CYB561: variants seen among roughly 807,000 people sequenced by gnomAD.
CYB561 encodes the protein transmembrane ascorbate-dependent reductase CYB561.
A neutral mutation model predicts 25.3 loss-of-function variants in CYB561; 11 were observed. That is an observed-to-expected ratio of 0.44 (90% CI 0.27 to 0.72). The LOEUF (loss-of-function observed/expected upper bound fraction) is 0.72, where lower values mean the gene tolerates loss of function less well. CYB561 is among the 30% of genes least tolerant of loss of function. The probability of loss-of-function intolerance (pLI) is 0.18; values close to 1 mark genes in which losing one functional copy is unlikely to be tolerated. For synonymous variants in CYB561, 165 were observed against 158.8 expected (o/e 1.04, Z -0.29); for missense variants, 295 against 334.9 (o/e 0.88, Z 0.93).
chr17:63,433,542 T>G lies in CYB561; in HGVS notation c.*860A>C. 2.6e-6 allele frequency: 1 copy of G among 391,196 alleles called. No homozygotes were observed. The highest frequency in any genetic ancestry group is 4.5e-6 in the Non-Finnish European group (1 of 221,716). The allele number at this position is 391,196 out of a possible 1,614,324, so 24.2% of individuals were successfully genotyped here. ...TTTTTCATTTAAAAAATTATAAGGT[T>G]TGTGCCCTCTGCCTCCCAGCCTGAG... is the stretch of plus-strand genomic sequence containing the variant. On this transcript the variant is annotated 3_prime_UTR_variant, in exon 6 of 6. Coordinates refer to ENST00000360793, the MANE Select transcript of CYB561 (RefSeq NM_001915.4).
Position 63,436,156 on chromosome 17 carries a change from T to A in CYB561, c.203-4A>T, listed in dbSNP as rs529653382. On this transcript the variant is annotated splice_region_variant and splice_polypyrimidine_tract_variant and intron_variant, in intron 2 of 5. Coordinates refer to ENST00000360793, the MANE Select transcript of CYB561 (RefSeq NM_001915.4). The surrounding 1 kb of genome is among the most constrained non-coding windows in gnomAD (Gnocchi z 4.8). ...AAGACACGGTAAACCAGCAGGGCTG[T>A]GGGAGGTGAGAGAGGGAACGTGAGT... 3.7e-6 allele frequency: 6 copies of A among 1,613,622 alleles called. No individual in the cohort carries two copies. The South Asian group carries it at 5.5e-5, about 15-fold the overall frequency.
At chr17:63,434,636 CAATT>C in intron 5 of CYB561, 42 bp from the exon 6 acceptor site, 1 of 1,547,156 alleles carries the variant, frequency 6.5e-7, no homozygotes, top group Non-Finnish European at 8.8e-7. Flanking sequence ...CAAGGGGTCA[CAATT>C]AGGCCAAATG....
intron 1 of CYB561, chr17:63,438,426 C>A (rs1460547934): frequency 1.9e-6 from 1 of 540,288 alleles, no homozygotes; most frequent in Non-Finnish European, 3.3e-6. Context: ...CCACCCCACA[C>A]CCAGGAGAGC....
chr17:63,437,970 G>GGGGCCC, intron 1 of CYB561: 1 of 643,050 alleles, frequency 1.6e-6, no homozygotes, highest in Non-Finnish European at 2.5e-6. Flanking sequence ...TCCCACGGCG[G>GGGGCCC]CCCCGCCACC....
chr17:63,437,456 G>A lies in CYB561; in HGVS notation c.92C>T (p.Thr31Ile). Residue 31 changes from threonine to isoleucine, a missense_variant, in exon 2 of 6, where the codon ACC becomes ATC. Transcript: ENST00000360793. ...QLLGLTLVAM[T>I]GAWLGLYRGG... The stretch of plus-strand genomic sequence containing the variant: ...TCGGTACAGCCCGAGCCACGCGCCG[G>A]TCATGGCCACCAAGGTCAGGCCCAG... The A allele has an allele frequency of 6.2e-7, 1 of 1,613,924 alleles. No individual in the cohort carries two copies. The highest frequency in any genetic ancestry group is 1.1e-5 in the South Asian group (1 of 91,076).
chr17:63,446,345 C>G (rs1343847536), upstream of CYB561: 2 of 151,960 alleles, frequency 1.3e-5, no homozygotes, highest in Non-Finnish European at 2.9e-5. Flanking sequence ...GGCAACCGGG[C>G]GGCGGGCTGG....
chr17:63,435,240 G>A lies in CYB561; in HGVS notation c.409C>T (p.Leu137=), dbSNP rs1243607621. 6.2e-7 allele frequency: 1 copy of A among 1,613,584 alleles called. No homozygotes were observed. Among genetic ancestry groups the A allele is most frequent in the Admixed American group, 1.7e-5 (1 of 59,936 alleles). The change falls in exon 5 of 6, where the codon CTG becomes TTG. Residue 137 remains leucine (L), a synonymous_variant. Coordinates refer to ENST00000360793, the MANE Select transcript of CYB561 (RefSeq NM_001915.4). ...AACAGGAAGAAGCTGAAGCCCACCA[G>A]CCACTAGGATTTGAAAGGAGACGGT... The part of the protein sequence containing the change: ...LVFVLYFVQW[L]VGFSFFLFPG...
At position 63,432,593 on chromosome 17, in the gene CYB561, C is replaced by G. The variant is rs1030962250; in HGVS notation, c.*1809G>C. The G allele has an allele frequency of 2.0e-5, 3 of 152,252 alleles. No homozygotes were observed. Among genetic ancestry groups the G allele is most frequent in the African/African-American group, 7.2e-5 (3 of 41,454 alleles). 9.4% of individuals were successfully genotyped at this position (152,252 alleles called of 1,614,324 possible). A position where few individuals can be genotyped will look rare whatever the true frequency, so the allele number is the denominator to read the frequency against. On this transcript the variant is annotated 3_prime_UTR_variant, in exon 6 of 6. Transcript: ENST00000360793. The stretch of plus-strand genomic sequence containing the variant: ...TCCCACATGTAAACATTTCACTATA[C>G]AAGTGTGTGCCAGCTGATTGAAGAA...
At chr17:63,440,419 T>C (rs1254223156) in intron 1 of CYB561, among the ~76,000 whole-genome samples, 1 of 152,120 alleles carries the variant, frequency 6.6e-6, no homozygotes, top group Non-Finnish European at 1.5e-5. Context: ...AGTCAGGGCC[T>C]GCAGCTTCTC....
intron 1 of CYB561, chr17:63,439,134 G>A (rs2049349234): frequency 6.6e-6 from 1 of 152,458 alleles, no homozygotes; most frequent in Admixed American, 6.5e-5. Flanking sequence ...CTGCCCTGCA[G>A]TGCCCAGGAG....
At chr17:63,434,703 T>G in intron 5 of CYB561, 109 bp from the exon 6 acceptor site, 1 of 945,546 alleles carries the variant, frequency 1.1e-6, no homozygotes, top group South Asian at 1.6e-5. Flanking sequence ...CACCAGCCCC[T>G]GCCTCCCTGC....
rs2049232558 is a variant in CYB561, at chr17:63,432,372, A to T, written c.*2030T>A. On this transcript the variant is annotated 3_prime_UTR_variant, in exon 6 of 6. Transcript: ENST00000360793. Reference sequence around the variant, plus strand: ...CATTGTATTTCACAGAAGATTGGCCACAGGCAAAATAAAATAACCCACCAC... The same window carrying T: ...CATTGTATTTCACAGAAGATTGGCCTCAGGCAAAATAAAATAACCCACCAC... 3 of 152,258 alleles carry T rather than the reference A, an allele frequency of 2.0e-5. No homozygotes were observed. Among genetic ancestry groups the T allele is most frequent in the South Asian group, 4.1e-4 (2 of 4,836 alleles). 9.4% of individuals were successfully genotyped at this position (152,258 alleles called of 1,614,324 possible).
rs200245215 is a variant in CYB561 at position 63,436,064 on chromosome 17, G to A, written c.291C>T (p.Ile97=). ...CGCCCGGGAACTCACCAACCAGGGCGATGACGAGCGCAAAGATGTGCAGCA... is the reference window on the plus strand; with the variant it reads ...CGCCCGGGAACTCACCAACCAGGGCAATGACGAGCGCAAAGATGTGCAGCA... The part of the protein sequence containing the change: ...HGLLHIFALV[I]ALVGLVAVFD... The change falls in exon 3 of 6, where the codon ATC becomes ATT. Residue 97 remains isoleucine, a synonymous_variant. Transcript: ENST00000360793. The surrounding 1 kb of genome is among the most constrained non-coding windows in gnomAD (Gnocchi z 4.8). 12 of 1,614,208 alleles carry A rather than the reference G, an allele frequency of 7.4e-6. No individual in the cohort carries two copies. In the East Asian group the frequency reaches 1.3e-4, roughly 18 times the overall value.
At position 63,436,974 on chromosome 17, in the gene CYB561, G is replaced by GCA. The variant is rs1316060413; in HGVS notation, c.202+370_202+371dup. 4.0e-6 allele frequency: 1 copy of GCA among 251,344 alleles called. No individual in the cohort carries two copies. The highest frequency in any genetic ancestry group is 2.2e-5 in the African/African-American group (1 of 44,562). 15.6% of individuals were successfully genotyped at this position (251,344 alleles called of 1,614,324 possible). On this transcript the variant is annotated intron_variant, in intron 2 of 5. Transcript: ENST00000360793. This position sits in a 1 kb window ranked among gnomAD's most constrained non-coding sequence, Gnocchi z 4.8. Reference sequence around the variant, plus strand: ...CAAGACCAACAACACACATGCGCGCGCACGCACGCACGCATACAAACTCTC... The same window carrying GCA: ...CAAGACCAACAACACACATGCGCGCGCACACGCACGCACGCATACAAACTCTC...
At position 63,434,548 on chromosome 17, in the gene CYB561, G is replaced by A. The variant is rs2049272204; in HGVS notation, c.610C>T (p.Leu204=). 6.2e-7 allele frequency: 1 copy of A among 1,613,082 alleles called. No individual in the cohort carries two copies. ...FEPEGVLANV[L]GLLLACFGGA... ...CCGAAGCAGGCCAGCAGCAGGCCCA[G>A]CACGTTGGCCAGGACACCCTCGGGC... The change falls in exon 6 of 6, where the codon CTG becomes TTG. Residue 204 remains leucine, a synonymous_variant. Coordinates refer to ENST00000360793, the MANE Select transcript of CYB561 (RefSeq NM_001915.4).
At chr17:63,440,171 C>T (rs995816879) in intron 1 of CYB561, 5 of 398,568 alleles carry the variant, frequency 1.3e-5, no homozygotes, top group South Asian at 1.3e-4. Flanking sequence ...CCATTTCTGA[C>T]GGTTCACTAC....
chr17:63,437,987 CGA>C, intron 1 of CYB561: 15 of 986,134 alleles, frequency 1.5e-5, no homozygotes, highest in South Asian at 3.3e-5. Flanking sequence ...CACCCTCCCC[CGA>C]GGCTCCCGCT....
chr17:63,436,287 G>T lies in CYB561; in HGVS notation c.203-135C>A. 1 of 1,162,048 alleles carries T rather than the reference G, an allele frequency of 8.6e-7. No individual in the cohort carries two copies. The highest frequency in any genetic ancestry group is 1.2e-6 in the Non-Finnish European group (1 of 834,536). The allele number at this position is 1,162,048 out of a possible 1,614,324, so 72.0% of individuals were successfully genotyped here. A position where few individuals can be genotyped will look rare whatever the true frequency, so the allele number is the denominator to read the frequency against. On this transcript the variant is annotated intron_variant, in intron 2 of 5. Transcript: ENST00000360793. This position sits in a 1 kb window ranked among gnomAD's most constrained non-coding sequence, Gnocchi z 4.8. ...TAACAGGAGCCTAGCTGCAGGAACC[G>T]GAGGAGAAAGCCAGGTTCCCTGGGG...
At chr17:63,435,304 C>G in intron 4 of CYB561, 61 bp from the exon 5 acceptor site, 1 of 1,569,592 alleles carries the variant, frequency 6.4e-7, no homozygotes, top group Non-Finnish European at 8.7e-7. Context: ...CAGCCGAGGT[C>G]GGCCAGGCCC....
Sources: allele counts gnomAD v4.1 joint callset (sites outside exome capture counted in the v4.1 genomes callset), GRCh38; gene constraint gnomAD v4.1.1; non-coding constraint Gnocchi (gnomAD v3.1); transcripts MANE v1.5; gene names NCBI Gene and HGNC (gene_info 2026-07-23, HGNC 2026-07-21).